Variants in ARHGAP15 observed in about 807,000 individuals in gnomAD.
ARHGAP15 encodes Rho GTPase activating protein 15, also known as rho GTPase-activating protein 15.
In ARHGAP15, 51 loss-of-function variants were observed where a neutral mutation model predicts 63.7. The observed-to-expected ratio is 0.80, with a 90% confidence interval of 0.64 to 1.01. The LOEUF is 1.01. ARHGAP15 is among the 50% of genes least tolerant of loss of function. The pLI, the probability that ARHGAP15 is intolerant of heterozygous loss-of-function variation, is 0.00. For missense variants in ARHGAP15, 560 were observed against 564.6 expected (o/e 0.99, Z 0.08); for synonymous variants, 191 against 193.8 (o/e 0.99, Z 0.12).
intron 12 of ARHGAP15, among the ~76,000 whole-genome samples, chr2:143,690,681 A>G (rs1000888594): frequency 1.3e-5 from 2 of 152,168 alleles, no homozygotes; most frequent in Non-Finnish European, 2.9e-5. Context: ...GGTTCTTTAT[A>G]AAAAGAATTT....
chr2:143,711,683 C>CT (rs1249934061), intron 13 of ARHGAP15, among the ~76,000 whole-genome samples: 2 of 152,194 alleles, frequency 1.3e-5, no homozygotes, highest in Non-Finnish European at 2.9e-5. Context: ...AATCCTAGCA[C>CT]TTTCAGCGGT....
At chr2:143,491,351 A>C (rs1692572710) in intron 9 of ARHGAP15, among the ~76,000 whole-genome samples, 1 of 152,220 alleles carries the variant, frequency 6.6e-6, no homozygotes, top group Admixed American at 6.5e-5. Flanking sequence ...ATCCAAGTTT[A>C]GGTAATACAG....
intron 11 of ARHGAP15, among the ~76,000 whole-genome samples, chr2:143,576,026 G>A (rs1211161672): frequency 5.9e-5 from 9 of 152,074 alleles, no homozygotes; most frequent in Admixed American, 1.3e-4. Context: ...AATCTAAACC[G>A]GAGGAGGTGG....
intron 6 of ARHGAP15, among the ~76,000 whole-genome samples, chr2:143,433,084 T>A (rs1689459424): frequency 6.6e-6 from 1 of 152,106 alleles, no homozygotes; most frequent in African/African-American, 2.4e-5. Flanking sequence ...TAACATTCTT[T>A]ACTGATGTCT....
intron 6 of ARHGAP15, among the ~76,000 whole-genome samples, chr2:143,362,174 C>T (rs992095636): frequency 5.3e-5 from 8 of 152,198 alleles, no homozygotes; most frequent in African/African-American, 1.4e-4. Flanking sequence ...ATCCTTTTTA[C>T]GTGCTCCTAT....
At chr2:143,332,973 GAAA>G (rs34554225) in intron 6 of ARHGAP15, among the ~76,000 whole-genome samples, 18 of 108,410 alleles carry the variant, frequency 1.7e-4, no homozygotes, top group Admixed American at 1.4e-3. Context: ...CATTTAAAAT[GAAA>G]AAAAAAAAAA....
rs897906850 is a variant in ARHGAP15 at position 143,556,023 on chromosome 2, T to C, written c.926-385T>C. On this transcript the variant is annotated intron_variant, in intron 10 of 13. Coordinates refer to ENST00000295095, the MANE Select transcript of ARHGAP15 (RefSeq NM_018460.4). ...GCAGGAAGACAGTAAGTCAGGCCAG[T>C]AGCAAATGTCTTACAAATGTCTCGA... 2.0e-5 allele frequency among the ~76,000 whole-genome samples: 3 copies of C among 152,024 alleles called. No individual in the cohort carries two copies. The South Asian group carries it at 6.2e-4, about 31-fold the overall frequency.
At chr2:143,596,831 G>C (rs1181065191) in intron 11 of ARHGAP15, among the ~76,000 whole-genome samples, 3 of 152,046 alleles carry the variant, frequency 2.0e-5, no homozygotes, top group Non-Finnish European at 4.4e-5. Context: ...AGTCTTCACA[G>C]AAAATATTTC....
intron 11 of ARHGAP15, among the ~76,000 whole-genome samples, chr2:143,622,637 A>G (rs1698682569): frequency 6.6e-6 from 1 of 152,148 alleles, no homozygotes; most frequent in African/African-American, 2.4e-5. Context: ...TTATTGTGTT[A>G]TGATTGAGGT....
At chr2:143,329,739 A>G (rs74953835) in intron 6 of ARHGAP15, among the ~76,000 whole-genome samples, 2,409 of 152,244 alleles carry the variant, frequency 0.016, 39 homozygotes, top group South Asian at 0.097. Context: ...TAGAAATTAT[A>G]TACACATACA....
chr2:143,357,139 C>T (rs1685844727), intron 6 of ARHGAP15, among the ~76,000 whole-genome samples: 1 of 152,036 alleles, frequency 6.6e-6, no homozygotes, highest in Non-Finnish European at 1.5e-5. Context: ...CATTACTGAC[C>T]AATGTTGTAA....
intron 6 of ARHGAP15, among the ~76,000 whole-genome samples, chr2:143,303,532 A>G (rs917570308): frequency 6.6e-6 from 1 of 152,084 alleles, no homozygotes; most frequent in Non-Finnish European, 1.5e-5. Flanking sequence ...AAAGCTAGGC[A>G]ATACATTCAG....
At chr2:143,302,087 T>A (rs1435072862) in intron 6 of ARHGAP15, among the ~76,000 whole-genome samples, 2 of 152,002 alleles carry the variant, frequency 1.3e-5, no homozygotes. Context: ...GAGTTTTTAA[T>A]TTCGTTAACC....
At chr2:143,638,249 C>G (rs1043636977) in intron 12 of ARHGAP15, among the ~76,000 whole-genome samples, 1 of 143,322 alleles carries the variant, frequency 7.0e-6, no homozygotes, top group African/African-American at 2.5e-5. Flanking sequence ...TTGGAACCAA[C>G]CCAAATGTCC....
chr2:143,745,439 T>C (rs1686127668), intron 13 of ARHGAP15, among the ~76,000 whole-genome samples: 1 of 152,196 alleles, frequency 6.6e-6, no homozygotes, highest in Non-Finnish European at 1.5e-5. Context: ...ACCATTCTTT[T>C]ATAAGTGTAA....
chr2:143,407,686 ATTTT>A (rs564611303), intron 6 of ARHGAP15, among the ~76,000 whole-genome samples: 1 of 151,102 alleles, frequency 6.6e-6, no homozygotes, highest in South Asian at 2.1e-4. Context: ...CTTTGATTTC[ATTTT>A]TTTTATTTTG....
chr2:143,609,307 A>C (rs1028300951), intron 11 of ARHGAP15, among the ~76,000 whole-genome samples: 19 of 152,150 alleles, frequency 1.2e-4, no homozygotes, highest in African/African-American at 4.6e-4. Flanking sequence ...TTTGTACATC[A>C]ACCTTTTAAA....
intron 6 of ARHGAP15, among the ~76,000 whole-genome samples, chr2:143,375,054 G>A (rs1686743111): frequency 6.6e-6 from 1 of 152,072 alleles, no homozygotes; most frequent in African/African-American, 2.4e-5. Context: ...TAGAAAGAAA[G>A]GAAATTTGGC....
intron 9 of ARHGAP15, among the ~76,000 whole-genome samples, chr2:143,497,257 T>C (rs547758962): frequency 5.3e-4 from 81 of 152,250 alleles, no homozygotes; most frequent in African/African-American, 1.9e-3. Context: ...CGAAAGCATA[T>C]CCTCAACTAG....
Sources: gnomAD v4.1 joint callset for allele counts (sites outside exome capture counted in the v4.1 genomes callset) on GRCh38, gnomAD v4.1.1 for gene constraint, MANE v1.5 for transcripts, NCBI Gene and HGNC (gene_info 2026-07-23, HGNC 2026-07-21) for gene names.